Variants in CHST9 observed in about 807,000 individuals in gnomAD.
The protein encoded by CHST9 is carbohydrate sulfotransferase 9, also known as GalNAc-4-sulfotransferase 2.
In CHST9, 41 loss-of-function variants were observed where a neutral mutation model predicts 44.4. That is an observed-to-expected ratio of 0.92 (90% CI 0.72 to 1.20). The LOEUF (loss-of-function observed/expected upper bound fraction) is 1.20. Ranked by LOEUF, CHST9 falls within the 50% of genes most tolerant of loss-of-function variation. CHST9 has a pLI of 0.00. For synonymous variants in CHST9, 171 were observed against 178.4 expected (o/e 0.96, Z 0.33); for missense variants, 504 against 516.5 (o/e 0.98, Z 0.23).
chr18:26,919,511 C>A (rs1024608069), intron 5 of CHST9, among the ~76,000 whole-genome samples: 1 of 152,192 alleles, frequency 6.6e-6, no homozygotes, highest in Admixed American at 6.5e-5. Context: ...TATACTATTA[C>A]ACTGCTATAA....
chr18:27,160,116 G>A (rs1340486890), intron 1 of CHST9, among the ~76,000 whole-genome samples: 2 of 152,076 alleles, frequency 1.3e-5, no homozygotes, highest in African/African-American at 4.8e-5. Flanking sequence ...TCTCCTGCCT[G>A]ATTGCCCTGG....
intron 1 of CHST9, among the ~76,000 whole-genome samples, chr18:27,152,630 C>T (rs2058667882): frequency 6.6e-6 from 1 of 152,136 alleles, no homozygotes; most frequent in African/African-American, 2.4e-5. Context: ...TAAGCATCAT[C>T]AGGATCAATG....
chr18:27,019,974 T>G (rs768397225), intron 4 of CHST9, among the ~76,000 whole-genome samples: 3 of 152,162 alleles, frequency 2.0e-5, no homozygotes, highest in Non-Finnish European at 2.9e-5. Context: ...ATAAAATGAA[T>G]AGATGCTTGT....
intron 1 of CHST9, among the ~76,000 whole-genome samples, chr18:27,151,395 G>A (rs1179711094): frequency 1.3e-5 from 2 of 152,244 alleles, no homozygotes; most frequent in South Asian, 2.1e-4. Context: ...CGTAAGCACA[G>A]TACAGTTACC....
chr18:27,124,253 A>G (rs2058400581), intron 2 of CHST9, among the ~76,000 whole-genome samples: 1 of 152,242 alleles, frequency 6.6e-6, no homozygotes, highest in African/African-American at 2.4e-5. Context: ...GAGCCAAGTT[A>G]ACTTGGCATC....
intron 5 of CHST9, among the ~76,000 whole-genome samples, chr18:26,919,727 G>A (rs940322048): frequency 1.3e-5 from 2 of 151,990 alleles, no homozygotes; most frequent in African/African-American, 4.8e-5. Flanking sequence ...CTTCCCCTGT[G>A]GCCTCTGGAC....
chr18:27,080,582 AT>A (rs1194819261), intron 2 of CHST9, among the ~76,000 whole-genome samples: 1 of 152,138 alleles, frequency 6.6e-6, no homozygotes, highest in East Asian at 1.9e-4. Context: ...TGAATACTTG[AT>A]GAGTGAGTTA....
At chr18:26,983,538 C>T (rs560849235) in intron 4 of CHST9, among the ~76,000 whole-genome samples, 2 of 152,230 alleles carry the variant, frequency 1.3e-5, no homozygotes, top group South Asian at 2.1e-4. Context: ...CCCCAGAAGC[C>T]GAGCAGATGC....
At chr18:26,921,075 G>GA (rs2055643526) in intron 5 of CHST9, among the ~76,000 whole-genome samples, 1 of 152,106 alleles carries the variant, frequency 6.6e-6, no homozygotes, top group South Asian at 2.1e-4. Flanking sequence ...TATAAGAAAG[G>GA]AAAGTATAAA....
At chr18:26,999,432 A>G (rs967142106) in intron 4 of CHST9, among the ~76,000 whole-genome samples, 16 of 152,344 alleles carry the variant, frequency 1.1e-4, no homozygotes, top group Admixed American at 7.2e-4. Flanking sequence ...TTCAAAGTAC[A>G]TAGCATCACT....
intron 2 of CHST9, among the ~76,000 whole-genome samples, chr18:27,076,929 G>T (rs2057910526): frequency 6.6e-6 from 1 of 152,180 alleles, no homozygotes; most frequent in African/African-American, 2.4e-5. Context: ...CTTTAGAGAG[G>T]TGATCTGTCA....
At chr18:26,925,582 T>C (rs2055751105) in intron 5 of CHST9, among the ~76,000 whole-genome samples, 1 of 152,230 alleles carries the variant, frequency 6.6e-6, no homozygotes, top group African/African-American at 2.4e-5. Context: ...CAAGAGATAA[T>C]GGTCGTTAAG....
At chr18:27,061,639 T>C (rs1410464345) in intron 2 of CHST9, among the ~76,000 whole-genome samples, 2 of 152,124 alleles carry the variant, frequency 1.3e-5, no homozygotes. Context: ...CATTGGTGTG[T>C]AGGCTCCAAG....
intron 2 of CHST9, among the ~76,000 whole-genome samples, chr18:27,059,118 A>C (rs1463268290): frequency 2.6e-5 from 4 of 152,216 alleles, no homozygotes; most frequent in Admixed American, 6.5e-5. Context: ...GTGCAGTTAA[A>C]GCACAATTTC....
intron 3 of CHST9, among the ~76,000 whole-genome samples, chr18:27,027,521 GT>G (rs1348284793): frequency 6.6e-6 from 1 of 152,102 alleles, no homozygotes; most frequent in Non-Finnish European, 1.5e-5. Context: ...CTTGCCTTTT[GT>G]TTTATCTTTT....
chr18:27,033,386 G>A (rs3859389), intron 3 of CHST9, among the ~76,000 whole-genome samples: 57,481 of 151,992 alleles, frequency 0.38, 11,526 homozygotes, highest in East Asian at 0.49. Context: ...CAAGATCAAC[G>A]TCTCAGTTTC....
In CHST9 at chr18:26,910,795, G is replaced by A. The variant is rs438944; in HGVS notation, c.*5464C>T. 1 of 152,040 alleles carries A rather than the reference G, an allele frequency of 6.6e-6. No individual in the cohort carries two copies. Among genetic ancestry groups the A allele is most frequent in the Non-Finnish European group, 1.5e-5 (1 of 68,010 alleles). 9.4% of individuals were successfully genotyped at this position (152,040 alleles called of 1,614,324 possible). ...TGAAATGATAGGTGGAAAAATACTC[G>A]ACTTTGATTTTTTTGAAAGCTACTT... is the stretch of plus-strand genomic sequence containing the variant. On this transcript the variant is annotated 3_prime_UTR_variant, in exon 6 of 6. Coordinates refer to ENST00000618847, the MANE Select transcript of CHST9 (RefSeq NM_031422.6).
intron 3 of CHST9, among the ~76,000 whole-genome samples, chr18:27,047,702 T>C (rs1046547063): frequency 5.9e-5 from 9 of 152,036 alleles, no homozygotes; most frequent in African/African-American, 2.2e-4. Context: ...AGCTCTTGCT[T>C]ATCACAGGAA....
intron 1 of CHST9, among the ~76,000 whole-genome samples, chr18:27,176,256 T>C (rs1164840098): frequency 2.6e-5 from 4 of 152,046 alleles, no homozygotes; most frequent in African/African-American, 7.2e-5. Context: ...GGTTGCAAGG[T>C]GATAGTTTTC....
Sources: gnomAD v4.1 joint callset for allele counts (sites outside exome capture counted in the v4.1 genomes callset) on GRCh38, gnomAD v4.1.1 for gene constraint, MANE v1.5 for transcripts, NCBI Gene and HGNC (gene_info 2026-07-23, HGNC 2026-07-21) for gene names.